The following SYBU variants were observed in gnomAD, a reference collection of about 807,000 sequenced individuals.
SYBU encodes syntabulin.
Under a neutral mutation model 35.9 loss-of-function variants are expected in SYBU, and 21 were observed. That is an observed-to-expected ratio of 0.58 (90% CI 0.41 to 0.84). The LOEUF (loss-of-function observed/expected upper bound fraction) is 0.84, where lower values mean the gene tolerates loss of function less well. Ranked by LOEUF, SYBU falls within the 40% of genes least tolerant of loss-of-function variation. SYBU has a pLI of 0.00. For synonymous variants in SYBU, 319 were observed against 324.3 expected (o/e 0.98, Z 0.18); for missense variants, 768 against 848.2 (o/e 0.91, Z 1.17).
At chr8:109,653,185 T>G (rs1423070517) in intron 1 of SYBU, among the ~76,000 whole-genome samples, 1 of 152,196 alleles carries the variant, frequency 6.6e-6, no homozygotes. Context: ...TAGGCATCTA[T>G]TTTATTTTTT....
chr8:109,662,372 C>T (rs1347256930), intron 1 of SYBU, among the ~76,000 whole-genome samples: 3 of 152,166 alleles, frequency 2.0e-5, no homozygotes, highest in Non-Finnish European at 4.4e-5. Context: ...GCTCAAAACC[C>T]TGGGGTCATT....
chr8:109,613,937 A>G (rs1211406794), intron 3 of SYBU, among the ~76,000 whole-genome samples: 2 of 152,336 alleles, frequency 1.3e-5, no homozygotes, highest in Middle Eastern at 6.8e-3. Flanking sequence ...TAGGTCTCCA[A>G]TTTCAGTAGC....
intron 1 of SYBU, among the ~76,000 whole-genome samples, chr8:109,650,634 T>C (rs1174877675): frequency 6.6e-6 from 1 of 152,202 alleles, no homozygotes. Context: ...TGTGACCTTG[T>C]GAGTAAAGCT....
intron 2 of SYBU, among the ~76,000 whole-genome samples, chr8:109,621,603 C>T (rs1490109766): frequency 6.6e-6 from 1 of 152,162 alleles, no homozygotes; most frequent in African/African-American, 2.4e-5. Context: ...TGTATCAAGT[C>T]CTGGCACTGA....
rs1188439173 is a variant in SYBU at position 109,574,409 on chromosome 8, A to G, written c.*497T>C. The G allele has an allele frequency of 6.5e-6, 1 of 152,964 alleles. No homozygotes were observed. Among genetic ancestry groups the G allele is most frequent in the Non-Finnish European group, 1.5e-5 (1 of 68,242 alleles). 9.5% of individuals were successfully genotyped at this position (152,964 alleles called of 1,614,324 possible). A position where few individuals can be genotyped will look rare whatever the true frequency, so the allele number is the denominator to read the frequency against. On this transcript the variant is annotated 3_prime_UTR_variant, in exon 7 of 7. Coordinates refer to ENST00000276646, the MANE Select transcript of SYBU (RefSeq NM_001099754.2). Reference sequence around the variant, plus strand: ...AAAAAATTGCAAACACTCAAATCTTATCAACCCCAAGTAAGACAGTAAAGA... The same window carrying G: ...AAAAAATTGCAAACACTCAAATCTTGTCAACCCCAAGTAAGACAGTAAAGA...
At position 109,691,371 on chromosome 8, in the gene SYBU, A is replaced by G. The variant is rs1229471549; in HGVS notation, c.-96T>C. ...GAAGGGCCCCATCGCGCTGTCCAGG[A>G]GGAGGCACCTACGTGCGCCCGGGAG... On this transcript the variant is annotated 5_prime_UTR_variant, in exon 1 of 8. Transcript: ENST00000422135. The surrounding 1 kb of genome is among the most constrained non-coding windows in gnomAD (Gnocchi z 4.7). 1.4e-6 allele frequency: 1 copy of G among 698,502 alleles called. No homozygotes were observed. Among genetic ancestry groups the G allele is most frequent in the Admixed American group, 2.0e-5 (1 of 49,604 alleles). The allele number at this position is 698,502 out of a possible 1,614,324, so 43.3% of individuals were successfully genotyped here. A position where few individuals can be genotyped will look rare whatever the true frequency, so the allele number is the denominator to read the frequency against.
chr8:109,625,426 GTGTT>G (rs1216718831), intron 2 of SYBU, among the ~76,000 whole-genome samples: 2 of 152,090 alleles, frequency 1.3e-5, no homozygotes, highest in Admixed American at 6.5e-5. Flanking sequence ...CTTTTAAAAT[GTGTT>G]TGTTTATTTT....
At chr8:109,616,082 G>T (rs1351876924) in intron 3 of SYBU, among the ~76,000 whole-genome samples, 1 of 141,196 alleles carries the variant, frequency 7.1e-6, no homozygotes, top group Non-Finnish European at 1.5e-5. Context: ...CATGATCTCG[G>T]CTCATTGCAA....
chr8:109,590,531 C>G (rs1228802982), intron 3 of SYBU, among the ~76,000 whole-genome samples: 1 of 151,350 alleles, frequency 6.6e-6, no homozygotes, highest in Non-Finnish European at 1.5e-5. Flanking sequence ...ATTGACGGAG[C>G]TGCCATATAC....
Position 109,600,109 on chromosome 8 carries a change from T to G in SYBU, c.428-13947A>C, listed in dbSNP as rs150127894. ...CATTGCACTGCAATTGCCTGTTTGC[T>G]TTAACATATTTTCCAGTATGCTTGT... On this transcript the variant is annotated intron_variant, in intron 3 of 6. Transcript: ENST00000276646. Among the ~76,000 whole-genome samples, 269 of 152,354 alleles carry G rather than the reference T, an allele frequency of 1.8e-3. 2 individuals are homozygous for G. Among genetic ancestry groups the G allele is most frequent in the African/African-American group, 6.2e-3 (258 of 41,582 alleles).
chr8:109,682,867 C>T (rs1028166698), upstream of SYBU, among the ~76,000 whole-genome samples: 1 of 152,234 alleles, frequency 6.6e-6, no homozygotes, highest in Admixed American at 6.5e-5. Context: ...TGCATCCCAG[C>T]TGTTCTAAGC....
Position 109,575,459 on chromosome 8 carries a change from C to T in SYBU, c.1439G>A (p.Gly480Asp), listed in dbSNP as rs1822148159. ...LLPIVMGQEEGSVVVERAVQT... is the reference protein window; with the variant it reads ...LLPIVMGQEEDSVVVERAVQT... The stretch of plus-strand genomic sequence containing the variant: ...AACGGCTCGCTCCACCACCACACTG[C>T]CCTCCTCCTGACCCATGACTATGGG... Residue 480 changes from glycine to aspartate, a missense_variant, in exon 7 of 7, where the codon GGC becomes GAC. Transcript: ENST00000276646. 6.2e-7 allele frequency: 1 copy of T among 1,614,108 alleles called. No individual in the cohort carries two copies. The highest frequency in any genetic ancestry group is 1.7e-5 in the Admixed American group (1 of 60,024).
intron 4 of SYBU, among the ~76,000 whole-genome samples, chr8:109,581,280 G>A (rs1823000374): frequency 6.6e-6 from 1 of 152,158 alleles, no homozygotes; most frequent in African/African-American, 2.4e-5. Flanking sequence ...CATTGGCACT[G>A]CCACTTAGTA....
intron 3 of SYBU, among the ~76,000 whole-genome samples, chr8:109,606,619 G>GACT (rs1316813041): frequency 2.0e-5 from 3 of 152,060 alleles, no homozygotes; most frequent in Non-Finnish European, 2.9e-5. Context: ...GATCTCTATA[G>GACT]AATTTCTCAC....
chr8:109,619,432 G>A (rs1307001946), intron 2 of SYBU, among the ~76,000 whole-genome samples: 2 of 151,872 alleles, frequency 1.3e-5, no homozygotes, highest in Non-Finnish European at 2.9e-5. Context: ...TCACCATGTT[G>A]GCCAGGCTGG....
intron 1 of SYBU, among the ~76,000 whole-genome samples, chr8:109,661,269 A>G (rs1014925214): frequency 4.6e-5 from 7 of 152,236 alleles, no homozygotes; most frequent in Non-Finnish European, 8.8e-5. Flanking sequence ...GAAGCTCCCT[A>G]TCAGGGTGAG....
chr8:109,593,548 G>C (rs942249752), intron 3 of SYBU, among the ~76,000 whole-genome samples: 3 of 152,202 alleles, frequency 2.0e-5, no homozygotes, highest in Admixed American at 1.3e-4. Context: ...AAGCTAGTAG[G>C]ACACTTAACA....
At chr8:109,623,479 T>C (rs1256851774) in intron 2 of SYBU, among the ~76,000 whole-genome samples, 1 of 152,152 alleles carries the variant, frequency 6.6e-6, no homozygotes, top group Non-Finnish European at 1.5e-5. Flanking sequence ...GTTAAAAATA[T>C]ATGTCTATGG....
chr8:109,645,569 T>C (rs554039870), upstream of SYBU: 1 of 318,556 alleles, frequency 3.1e-6, no homozygotes, highest in African/African-American at 2.2e-5. Flanking sequence ...AAGCCAGCAC[T>C]CCAATCGGTC....
Sources: allele counts gnomAD v4.1 joint callset (sites outside exome capture counted in the v4.1 genomes callset), GRCh38; gene constraint gnomAD v4.1.1; non-coding constraint Gnocchi (gnomAD v3.1); transcripts MANE v1.5; gene names NCBI Gene and HGNC (gene_info 2026-07-23, HGNC 2026-07-21).